The following SYCP2 variants were observed in gnomAD, a reference collection of about 807,000 sequenced individuals.
SYCP2 encodes synaptonemal complex protein 2.
SYCP2 carries 55 observed loss-of-function variants against 211.3 expected under a neutral mutation model. That is an observed-to-expected ratio of 0.26 (90% CI 0.21 to 0.33). The LOEUF (loss-of-function observed/expected upper bound fraction) is 0.33. Among genes scored for constraint, SYCP2 ranks in the 10% least tolerant of loss-of-function variants. SYCP2 has a pLI of 1.00. For missense variants in SYCP2, 1,731 were observed against 1,752.0 expected (o/e 0.99, Z 0.21); for synonymous variants, 570 against 555.2 (o/e 1.03, Z -0.37).
chr20:59,891,037 A>C (rs1262741943), intron 24 of SYCP2, among the ~76,000 whole-genome samples: 1 of 151,956 alleles, frequency 6.6e-6, no homozygotes, highest in African/African-American at 2.4e-5. Flanking sequence ...ATTTTAAAGG[A>C]GGCTGGTCAA....
rs190752431 is a variant in SYCP2 at position 59,921,300 on chromosome 20, G to C, written c.168+10C>G. Reference sequence around the variant, plus strand: ...ATTGTAACAATCATTCAGCAAAAATGAATATTTACCCTGCATATAAGGTTG... The same window carrying C: ...ATTGTAACAATCATTCAGCAAAAATCAATATTTACCCTGCATATAAGGTTG... On this transcript the variant is annotated intron_variant, in intron 4 of 44. Coordinates refer to ENST00000357552, the MANE Select transcript of SYCP2 (RefSeq NM_014258.4). The C allele has an allele frequency of 1.8e-5, 28 of 1,577,184 alleles. No homozygotes were observed. The East Asian group carries it at 6.3e-4, about 35-fold the overall frequency.
chr20:59,868,729 A>G, intron 37 of SYCP2, 106 bp downstream of exon 37: 1 of 1,257,796 alleles, frequency 8.0e-7, no homozygotes, highest in Non-Finnish European at 1.1e-6. Context: ...TTCTTTTTAC[A>G]TTAAGTTGAA....
chr20:59,907,694 T>C (rs1237060637), intron 14 of SYCP2, among the ~76,000 whole-genome samples: 1 of 152,234 alleles, frequency 6.6e-6, no homozygotes, highest in African/African-American at 2.4e-5. Flanking sequence ...TTATATTTAT[T>C]AGAGGATACC....
At chr20:59,878,166 A>G in intron 31 of SYCP2, 121 bp from the exon 32 acceptor site, 1 of 702,396 alleles carries the variant, frequency 1.4e-6, no homozygotes, top group Non-Finnish European at 2.2e-6. Context: ...TTTTTAAAGC[A>G]TGTGTTAGCA....
At chr20:59,881,796 T>C (rs1465606980) in intron 28 of SYCP2, 149 bp downstream of exon 28, 5 of 545,714 alleles carry the variant, frequency 9.2e-6, no homozygotes, top group East Asian at 3.3e-5. Context: ...TAAATATACG[T>C]AGGCTGGTTA....
intron 9 of SYCP2, 59 bp from the exon 10 acceptor site, chr20:59,915,258 C>T: frequency 7.7e-7 from 1 of 1,303,922 alleles, no homozygotes; most frequent in Admixed American, 2.0e-5. Flanking sequence ...AGGAAGTCCA[C>T]ATGTTTAGGA....
At position 59,893,040 on chromosome 20, in the gene SYCP2, A is replaced by G. The variant is rs978107675; in HGVS notation, c.1793+102T>C. On this transcript the variant is annotated intron_variant, in intron 22 of 44. Transcript: ENST00000357552. ...TCATAACACTTGAGAGATGATTAAT[A>G]CTAATTCTAATCATATACAGTCCTT... 6.1e-6 allele frequency: 5 copies of G among 821,604 alleles called. No individual in the cohort carries two copies. In the African/African-American group the frequency reaches 7.0e-5, roughly 11 times the overall value. The allele number at this position is 821,604 out of a possible 1,614,324, so 50.9% of individuals were successfully genotyped here. A position where few individuals can be genotyped will look rare whatever the true frequency, so the allele number is the denominator to read the frequency against.
At chr20:59,868,358 A>T in intron 38 of SYCP2, 55 bp downstream of exon 38, 1 of 1,561,614 alleles carries the variant, frequency 6.4e-7, no homozygotes, top group Non-Finnish European at 8.6e-7. Context: ...CATTCAAAAT[A>T]TAAGAACCAC....
chr20:59,906,870 T>C (rs1053372580), intron 15 of SYCP2, among the ~76,000 whole-genome samples: 2 of 152,090 alleles, frequency 1.3e-5, no homozygotes, highest in African/African-American at 2.4e-5. Context: ...AAGGAAAATA[T>C]ATGAATGGCC....
chr20:59,889,396 T>C (rs2059859862), intron 24 of SYCP2, among the ~76,000 whole-genome samples: 1 of 152,006 alleles, frequency 6.6e-6, no homozygotes, highest in Admixed American at 6.6e-5. Flanking sequence ...AATGATTTTT[T>C]TTAAAAGTAA....
Position 59,875,339 on chromosome 20 carries a change from C to T in SYCP2, c.3281G>A (p.Arg1094Gln), listed in dbSNP as rs183675548. 14 of 1,611,780 alleles carry T rather than the reference C, an allele frequency of 8.7e-6. No homozygotes were observed. The East Asian group carries it at 1.1e-4, about 13-fold the overall frequency. ...GGGAGATAAGTCAAGGCAATTATCT[C>T]GTATAGCATCTTTTAGTAGAGATGA... ...KNSSLLKDAI[R>Q]DNCLDLSPRS... is the part of the protein sequence containing the mutation. Residue 1094 changes from arginine to glutamine, a missense_variant, in exon 34 of 45, where the codon CGA becomes CAA. Transcript: ENST00000357552.
intron 33 of SYCP2, among the ~76,000 whole-genome samples, 168 bp from the exon 34 acceptor site, chr20:59,875,637 A>G (rs187424549): frequency 5.1e-4 from 78 of 152,300 alleles, no homozygotes; most frequent in Non-Finnish European, 1.0e-3. Flanking sequence ...ACTAGAAGCC[A>G]TAAGACAAAT....
chr20:59,864,750 T>G (rs1333248225), intron 44 of SYCP2, among the ~76,000 whole-genome samples: 5 of 152,074 alleles, frequency 3.3e-5, no homozygotes, highest in Non-Finnish European at 5.9e-5. Context: ...CCACAACATC[T>G]TGATCCTGTA....
intron 20 of SYCP2, 105 bp from the exon 21 acceptor site, chr20:59,893,698 T>A: frequency 1.4e-6 from 1 of 705,022 alleles, no homozygotes; most frequent in Non-Finnish European, 2.3e-6. Flanking sequence ...TGCCTTGATA[T>A]GAAAAGTTGG....
intron 14 of SYCP2, among the ~76,000 whole-genome samples, chr20:59,910,572 G>C (rs2089465093): frequency 1.3e-5 from 2 of 150,616 alleles, no homozygotes; most frequent in East Asian, 3.9e-4. Flanking sequence ...GTAGAGGCGG[G>C]GTTTCACCAT....
At chr20:59,880,588 C>G (rs1017302214) in intron 30 of SYCP2, 117 bp from the exon 31 acceptor site, 2 of 583,754 alleles carry the variant, frequency 3.4e-6, no homozygotes, top group African/African-American at 1.9e-5. Context: ...AACAGGAAAA[C>G]TAACTTGTCA....
intron 24 of SYCP2, among the ~76,000 whole-genome samples, chr20:59,889,427 T>C (rs904796912): frequency 6.6e-6 from 1 of 151,976 alleles, no homozygotes; most frequent in African/African-American, 2.4e-5. Flanking sequence ...AAATAAGAAT[T>C]ATTCTCAGCA....
intron 7 of SYCP2, among the ~76,000 whole-genome samples, chr20:59,917,663 A>G (rs1445219610): frequency 6.6e-6 from 1 of 151,484 alleles, no homozygotes; most frequent in African/African-American, 2.5e-5. Flanking sequence ...TTTGGCTCTG[A>G]AGACAACAAG....
At chr20:59,903,356 A>G (rs2060152995) in intron 15 of SYCP2, among the ~76,000 whole-genome samples, 1 of 152,160 alleles carries the variant, frequency 6.6e-6, no homozygotes, top group Non-Finnish European at 1.5e-5. Context: ...GAAGAGAAGG[A>G]AAGAGTAAAA....
Sources: allele counts gnomAD v4.1 joint callset (sites outside exome capture counted in the v4.1 genomes callset), GRCh38; gene constraint gnomAD v4.1.1; transcripts MANE v1.5; gene names NCBI Gene and HGNC (gene_info 2026-07-23, HGNC 2026-07-21).